SPATA13: variants seen among roughly 807,000 people sequenced by gnomAD.
SPATA13 encodes spermatogenesis-associated protein 13.
Under a neutral mutation model 104.0 loss-of-function variants are expected in SPATA13, and 50 were observed. The observed-to-expected ratio is 0.48, with a 90% confidence interval of 0.38 to 0.61. The LOEUF (loss-of-function observed/expected upper bound fraction) is 0.61, where lower values mean the gene tolerates loss of function less well. Among genes scored for constraint, SPATA13 ranks in the 20% least tolerant of loss-of-function variants. The pLI, the probability that SPATA13 is intolerant of heterozygous loss-of-function variation, is 0.00. For missense variants in SPATA13, 1,524 were observed against 1,690.6 expected (o/e 0.90, Z 1.73); for synonymous variants, 606 against 667.5 (o/e 0.91, Z 1.42).
At chr13:24,075,119 C>T (rs546914047) in intron 3 of SPATA13, among the ~76,000 whole-genome samples, 3 of 152,248 alleles carry the variant, frequency 2.0e-5, no homozygotes, top group Non-Finnish European at 2.9e-5. Flanking sequence ...TCCTGTGCCC[C>T]AGTCCTGCTC....
intron 1 of SPATA13, among the ~76,000 whole-genome samples, chr13:23,982,489 C>T (rs191553259): frequency 1.2e-4 from 18 of 152,148 alleles, no homozygotes; most frequent in Non-Finnish European, 2.2e-4. Flanking sequence ...TAAACTTTAC[C>T]GGACTGATGA....
At chr13:23,980,783 G>A (rs1015008366) in intron 1 of SPATA13, among the ~76,000 whole-genome samples, 4 of 152,076 alleles carry the variant, frequency 2.6e-5, no homozygotes, top group African/African-American at 4.8e-5. Flanking sequence ...ATAGAGAAAG[G>A]GTTTCACCAT....
Position 24,224,562 on chromosome 13 carries a change from G to A in SPATA13, c.1633G>A (p.Glu545Lys), listed in dbSNP as rs571099862. The change falls in exon 2 of 13, where the codon GAA becomes AAA. Residue 545 changes from glutamate (E) to lysine (K), a missense_variant. Physicochemically the swap from Glu to Lys is moderately conservative, Grantham distance 56 (BLOSUM62 1). Transcript: ENST00000382108. ...LVNIGVAAGP[E>K]EKEKEEVVPD... The stretch of plus-strand genomic sequence containing the variant: ...GAACATTGGTGTGGCAGCCGGCCCA[G>A]AAGAAAAGGAGAAGGAGGAGGTAAG... 114 of 1,539,474 alleles carry A rather than the reference G, an allele frequency of 7.4e-5. 2 individuals carry two copies. In the South Asian group the frequency reaches 1.3e-3, roughly 18 times the overall value.
chr13:24,277,374 G>A (rs1168336713), intron 4 of SPATA13, among the ~76,000 whole-genome samples: 2 of 150,902 alleles, frequency 1.3e-5, no homozygotes, highest in Non-Finnish European at 2.9e-5. Context: ...AACCTAGGAG[G>A]CGGAGCTTGC....
intron 3 of SPATA13, among the ~76,000 whole-genome samples, chr13:24,018,991 G>A (rs374526267): frequency 1.9e-3 from 291 of 152,160 alleles, no homozygotes; most frequent in African/African-American, 6.3e-3. Flanking sequence ...CTGATTGAGT[G>A]GATCTCAACA....
At chr13:24,129,785 A>G (rs372279434) in intron 3 of SPATA13, among the ~76,000 whole-genome samples, 2 of 152,354 alleles carry the variant, frequency 1.3e-5, no homozygotes, top group South Asian at 2.1e-4. Flanking sequence ...CCATGTGGCC[A>G]AAGCCTGCCT....
intron 4 of SPATA13, among the ~76,000 whole-genome samples, chr13:24,280,186 T>C (rs1376428670): frequency 2.0e-5 from 3 of 152,158 alleles, no homozygotes; most frequent in Non-Finnish European, 4.4e-5. Context: ...AGAGCTGTTT[T>C]GCTAAGTGTT....
rs1377009289 is a variant in SPATA13 at position 24,286,352 on chromosome 13, A to G, written c.2440A>G (p.Ser814Gly). ...ASNKDWWWGRSEDKEAWFPAS... is the reference protein window; with the variant it reads ...ASNKDWWWGRGEDKEAWFPAS... ...CAACAAGGACTGGTGGTGGGGCCGC[A>G]GTGAAGATAAGGAAGCCTGGTTCCC... Residue 814 changes from serine (S) to glycine (G), a missense_variant, in exon 6 of 13, where the codon AGT (serine) becomes GGT (glycine). Ser to Gly is a moderately conservative substitution (Grantham distance 56). Around this residue, in one of 2 missense-constraint regions of SPATA13, gnomAD observed 1,089 missense variants for 1,135.9 expected, o/e 0.96. Coordinates refer to ENST00000382108, the MANE Select transcript of SPATA13 (RefSeq NM_001166271.3). This position sits in a 1 kb window ranked among gnomAD's most constrained non-coding sequence, Gnocchi z 4.9. The G allele has an allele frequency of 6.2e-7, 1 of 1,612,886 alleles. No individual in the cohort carries two copies. The highest frequency in any genetic ancestry group is 1.3e-5 in the African/African-American group (1 of 74,894).
intron 3 of SPATA13, among the ~76,000 whole-genome samples, chr13:24,133,431 C>G (rs1881451458): frequency 6.6e-6 from 1 of 152,088 alleles, no homozygotes; most frequent in Admixed American, 6.6e-5. Flanking sequence ...TTGCCCATAG[C>G]TACAGAAAGC....
chr13:24,278,930 T>TCCC (rs1875241022), intron 4 of SPATA13: 4 of 552,296 alleles, frequency 7.2e-6, no homozygotes, highest in Admixed American at 1.2e-4. Context: ...CCTTCCCTCT[T>TCCC]TCCTTCCTTC....
chr13:24,077,833 G>C (rs557756848), intron 3 of SPATA13, among the ~76,000 whole-genome samples: 22 of 152,108 alleles, frequency 1.4e-4, no homozygotes, highest in African/African-American at 5.3e-4. Context: ...TTGAAACCTC[G>C]GGAGGTGGTC....
Position 24,076,335 on chromosome 13 carries a change from C to T in SPATA13, c.-112+58634C>T, listed in dbSNP as rs926619695. On this transcript the variant is annotated intron_variant, in intron 3 of 14. Transcript: ENST00000424834. Reference sequence around the variant, plus strand: ...ATAGCCCCGTGCCTGGCAGACTCTCCGTCCCTGAGTGACAGACTAAGGGAT... The same window carrying T: ...ATAGCCCCGTGCCTGGCAGACTCTCTGTCCCTGAGTGACAGACTAAGGGAT... Among the ~76,000 whole-genome samples, 19 of 152,126 alleles carry T rather than the reference C, an allele frequency of 1.2e-4. 1 individual carries two copies. The highest frequency in any genetic ancestry group is 4.1e-4 in the South Asian group (2 of 4,822).
intron 2 of SPATA13, among the ~76,000 whole-genome samples, chr13:23,995,659 A>G (rs1459007309): frequency 1.3e-5 from 2 of 152,186 alleles, no homozygotes; most frequent in Admixed American, 6.5e-5. Flanking sequence ...TGTAATCTGG[A>G]AAGTTTTGAT....
rs147016759 is a variant in SPATA13, at chr13:24,108,527, T to C, written c.-112+90826T>C. Among the ~76,000 whole-genome samples the C allele has an allele frequency of 2.3e-3, 355 of 152,318 alleles. 4 individuals are homozygous for C. The highest frequency in any genetic ancestry group is 8.2e-3 in the African/African-American group (342 of 41,550). On this transcript the variant is annotated intron_variant, in intron 3 of 14. Coordinates refer to the SPATA13 transcript ENST00000424834. Reference sequence around the variant, plus strand: ...ACGGGACCTGCCTACTGAAGGAAACTGCTTTAGGGAGGGCTTGTGCCAGGA... The same window carrying C: ...ACGGGACCTGCCTACTGAAGGAAACCGCTTTAGGGAGGGCTTGTGCCAGGA...
At chr13:24,060,356 G>A (rs1353254073) in intron 3 of SPATA13, among the ~76,000 whole-genome samples, 1 of 152,142 alleles carries the variant, frequency 6.6e-6, no homozygotes, top group African/African-American at 2.4e-5. Context: ...TTCAATAAAT[G>A]GTACTGGGAT....
chr13:24,286,102 A>C lies in SPATA13; in HGVS notation c.2302-112A>C. On this transcript the variant is annotated intron_variant, in intron 5 of 12. Coordinates refer to ENST00000382108, the MANE Select transcript of SPATA13 (RefSeq NM_001166271.3). The surrounding 1 kb of genome is among the most constrained non-coding windows in gnomAD (Gnocchi z 4.9). Reference sequence around the variant, plus strand: ...TCAGTGTGGACCAAATGCCACCAGCATATCCAAGTGAGAGGATACCAGTGT... The same window carrying C: ...TCAGTGTGGACCAAATGCCACCAGCCTATCCAAGTGAGAGGATACCAGTGT... 1 of 977,094 alleles carries C rather than the reference A, an allele frequency of 1.0e-6. No homozygotes were observed. 60.5% of individuals were successfully genotyped at this position (977,094 alleles called of 1,614,324 possible). A position where few individuals can be genotyped will look rare whatever the true frequency, so the allele number is the denominator to read the frequency against.
At chr13:24,070,221 A>G (rs2137764603) in intron 3 of SPATA13, among the ~76,000 whole-genome samples, 1 of 152,326 alleles carries the variant, frequency 6.6e-6, no homozygotes, top group South Asian at 2.1e-4. Flanking sequence ...AAACCCATCC[A>G]AATTGGTTTG....
intron 9 of SPATA13, among the ~76,000 whole-genome samples, chr13:24,291,649 A>T (rs1256867271): frequency 1.3e-5 from 2 of 152,050 alleles, no homozygotes; most frequent in Non-Finnish European, 2.9e-5. Context: ...TTGGTGCCTG[A>T]CTAAGCTCTT....
intron 3 of SPATA13, among the ~76,000 whole-genome samples, chr13:24,132,727 A>T (rs893304091): frequency 1.3e-5 from 2 of 152,162 alleles, no homozygotes; most frequent in African/African-American, 2.4e-5. Context: ...TAATTGCAGC[A>T]CTTTGGGAGG....
Sources: allele counts gnomAD v4.1 joint callset (sites outside exome capture counted in the v4.1 genomes callset), GRCh38; gene constraint gnomAD v4.1.1; regional missense constraint gnomAD v4.1.1; non-coding constraint Gnocchi (gnomAD v3.1); transcripts MANE v1.5; gene names NCBI Gene and HGNC (gene_info 2026-07-23, HGNC 2026-07-21).